The following MARS2 variants were observed in gnomAD, a reference collection of about 807,000 sequenced individuals.
MARS2 encodes the protein methionyl-tRNA synthetase 2, mitochondrial.
In MARS2, 33 loss-of-function variants were observed where a neutral mutation model predicts 43.8. That is an observed-to-expected ratio of 0.75 (90% CI 0.57 to 1.01). MARS2 has a LOEUF of 1.01. Ranked by LOEUF, MARS2 falls within the 50% of genes least tolerant of loss-of-function variation. MARS2 has a pLI of 0.00. For synonymous variants in MARS2, 351 were observed against 325.5 expected (o/e 1.08, Z -0.84); for missense variants, 720 against 763.0 (o/e 0.94, Z 0.66).
rs776719449 is a variant in MARS2 at position 197,706,830 on chromosome 2, C to T, written c.1425C>T (p.Ala475=). The T allele has an allele frequency of 1.3e-5, 21 of 1,614,006 alleles. No homozygotes were observed. The South Asian group carries it at 1.4e-4, about 11-fold the overall frequency. ...TTCGGATATATAAGGCTCTGGAGGC[C>T]GTGTCCAGCTGTGTCCGGCAAACTA... The part of the protein sequence containing the change: ...DNFRIYKALE[A]VSSCVRQTNG... Residue 475 remains alanine, a synonymous_variant, in exon 1 of 1, where the codon GCC becomes GCT. Coordinates refer to ENST00000282276, the MANE Select transcript of MARS2 (RefSeq NM_138395.4).
Position 197,707,239 on chromosome 2 carries a change from A to G in MARS2, c.*52A>G. 3 of 1,484,320 alleles carry G rather than the reference A, an allele frequency of 2.0e-6. No homozygotes were observed. Among genetic ancestry groups the G allele is most frequent in the Non-Finnish European group, 2.7e-6 (3 of 1,098,344 alleles). The allele number at this position is 1,484,320 out of a possible 1,614,324, so 91.9% of individuals were successfully genotyped here. ...AAAAAAGCAAATGTGTTATCTTTTTATTTTTTATTTTCAGGAAAGTTATAC... is the reference window on the plus strand; with the variant it reads ...AAAAAAGCAAATGTGTTATCTTTTTGTTTTTTATTTTCAGGAAAGTTATAC... On this transcript the variant is annotated 3_prime_UTR_variant, in exon 1 of 1. Transcript: ENST00000282276.
Position 197,706,276 on chromosome 2 carries a change from G to A in MARS2, c.871G>A (p.Gly291Ser). ...CCTGGTCAACTACCTCACTGTAATT[G>A]GCTACCCAAATGCTGAGTTCAAATC... Reference protein sequence around the residue: ...DALVNYLTVIGYPNAEFKSWW... With the variant: ...DALVNYLTVISYPNAEFKSWW... Residue 291 changes from glycine to serine, a missense_variant, in exon 1 of 1, where the codon GGC (glycine) becomes AGC (serine). By Grantham distance (56) the Gly-to-Ser change is moderately conservative (BLOSUM62 0). Transcript: ENST00000282276. 6.2e-7 allele frequency: 1 copy of A among 1,614,198 alleles called. No homozygotes were observed. The highest frequency in any genetic ancestry group is 1.1e-5 in the South Asian group (1 of 91,088).
rs1204486376 is a variant in MARS2 at position 197,705,376 on chromosome 2, C to T, written c.-30C>T. 6.4e-7 allele frequency: 1 copy of T among 1,551,520 alleles called. No homozygotes were observed. The highest frequency in any genetic ancestry group is 1.2e-5 in the South Asian group (1 of 83,924). ...CCTCTCACACGTGCTGTCAGAACGC[C>T]GCCTCCTCCGCTTGCGGCCGGTCTG... On this transcript the variant is annotated 5_prime_UTR_variant, in exon 1 of 1. Coordinates refer to ENST00000282276, the MANE Select transcript of MARS2 (RefSeq NM_138395.4).
Position 197,705,374 on chromosome 2 carries a change from G to T in MARS2, c.-32G>T. Reference sequence around the variant, plus strand: ...CGCCTCTCACACGTGCTGTCAGAACGCCGCCTCCTCCGCTTGCGGCCGGTC... The same window carrying T: ...CGCCTCTCACACGTGCTGTCAGAACTCCGCCTCCTCCGCTTGCGGCCGGTC... On this transcript the variant is annotated 5_prime_UTR_variant, in exon 1 of 1. Transcript: ENST00000282276. 1.3e-6 allele frequency: 2 copies of T among 1,546,774 alleles called. No individual in the cohort carries two copies. Among genetic ancestry groups the T allele is most frequent in the African/African-American group, 1.4e-5 (1 of 73,090 alleles).
At position 197,706,428 on chromosome 2, in the gene MARS2, G is replaced by A. The variant is rs2089475987; in HGVS notation, c.1023G>A (p.Trp341Ter). 1 of 1,613,926 alleles carries A rather than the reference G, an allele frequency of 6.2e-7. No individual in the cohort carries two copies. The highest frequency in any genetic ancestry group is 1.7e-5 in the Admixed American group (1 of 60,016). Residue 341 changes from tryptophan to a stop codon, truncating the protein, a stop_gained, in exon 1 of 1, where the codon TGG becomes TGA. Transcript: ENST00000282276. LOFTEE classifies it high-confidence loss of function. The part of the protein sequence containing the change: ...PPQRICVHSH[W>*]TVCGQKMSKS... ...AGCGCATCTGTGTCCATTCCCACTG[G>A]ACAGTCTGTGGCCAAAAGATGTCCA...
At position 197,705,699 on chromosome 2, in the gene MARS2, G is replaced by A; in HGVS notation, c.294G>A (p.Lys98=). ...FSTGTDEHGL[K]IQQAAATAGL... ...CTGGTACCGACGAGCACGGGCTGAA[G>A]ATTCAGCAGGCAGCAGCTACCGCGG... Residue 98 remains lysine, a synonymous_variant, in exon 1 of 1, where the codon AAG becomes AAA. Coordinates refer to ENST00000282276, the MANE Select transcript of MARS2 (RefSeq NM_138395.4). The A allele has an allele frequency of 6.2e-7, 1 of 1,611,172 alleles. No homozygotes were observed. The highest frequency in any genetic ancestry group is 8.5e-7 in the Non-Finnish European group (1 of 1,180,028).
Position 197,705,590 on chromosome 2 carries a change from A to G in MARS2, c.185A>G (p.His62Arg). ...FYVNAAPHIG[H>R]LYSALLADAL... The stretch of plus-strand genomic sequence containing the variant: ...GTGAACGCGGCGCCGCACATCGGGC[A>G]CCTGTACTCGGCACTACTGGCGGAC... The change falls in exon 1 of 1, where the codon CAC (histidine) becomes CGC (arginine). Residue 62 changes from histidine to arginine, a missense_variant. Physicochemically the swap from His to Arg is conservative, Grantham distance 29. Coordinates refer to ENST00000282276, the MANE Select transcript of MARS2 (RefSeq NM_138395.4). 6.2e-7 allele frequency: 1 copy of G among 1,613,050 alleles called. No homozygotes were observed. The highest frequency in any genetic ancestry group is 2.2e-5 in the East Asian group (1 of 44,862).
chr2:197,706,161 C>G lies in MARS2; in HGVS notation c.756C>G (p.Asp252Glu), dbSNP rs761435595. The stretch of plus-strand genomic sequence containing the variant: ...AGTGGCTGGACGAGGAGCTGCCCGA[C>G]CTGTCCGTGTCTCGCAGAAGTAGCC... Reference protein sequence around the residue: ...VLQWLDEELPDLSVSRRSSHL... With the variant: ...VLQWLDEELPELSVSRRSSHL... The change falls in exon 1 of 1, where the codon GAC (aspartate) becomes GAG (glutamate). Residue 252 changes from aspartate (D) to glutamate (E), a missense_variant. Asp to Glu is a conservative substitution (Grantham distance 45). Coordinates refer to ENST00000282276, the MANE Select transcript of MARS2 (RefSeq NM_138395.4). The G allele has an allele frequency of 6.2e-7, 1 of 1,614,168 alleles. No homozygotes were observed.
Position 197,705,405 on chromosome 2 carries a change from C to T in MARS2, c.-1C>T, listed in dbSNP as rs775947399. The T allele has an allele frequency of 6.2e-7, 1 of 1,607,292 alleles. No individual in the cohort carries two copies. The highest frequency in any genetic ancestry group is 8.5e-7 in the Non-Finnish European group (1 of 1,177,358). On this transcript the variant is annotated 5_prime_UTR_variant, in exon 1 of 1. Coordinates refer to ENST00000282276, the MANE Select transcript of MARS2 (RefSeq NM_138395.4). ...TCCTCCGCTTGCGGCCGGTCTGCAC[C>T]ATGCTGCGAACGTCCGTCCTCCGCC...
Position 197,705,482 on chromosome 2 carries a change from C to T in MARS2, c.77C>T (p.Pro26Leu). ...SRLSLLEDFG[P>L]RYYSSGSLSA... ...CTGTCTCTCCTGGAGGACTTCGGCC[C>T]ACGCTACTACAGTTCGGGCTCCCTC... is the stretch of plus-strand genomic sequence containing the variant. Residue 26 changes from proline to leucine, a missense_variant, in exon 1 of 1, where the codon CCA becomes CTA. Pro to Leu is a moderately conservative substitution (Grantham distance 98, BLOSUM62 -3). Coordinates refer to ENST00000282276, the MANE Select transcript of MARS2 (RefSeq NM_138395.4). 3.1e-6 allele frequency: 5 copies of T among 1,613,144 alleles called. No homozygotes were observed. The highest frequency in any genetic ancestry group is 3.4e-6 in the Non-Finnish European group (4 of 1,179,996).
Position 197,706,009 on chromosome 2 carries a change from C to G in MARS2, c.604C>G (p.Pro202Ala). 6.2e-7 allele frequency: 1 copy of G among 1,614,212 alleles called. No homozygotes were observed. Among genetic ancestry groups the G allele is most frequent in the Non-Finnish European group, 8.5e-7 (1 of 1,180,038 alleles). ...TCCTGTATCTCTCGAGAGCGGGCAT[C>G]CAGTCTCCTGGACCAAGGAAGAAAA... ...SFPVSLESGH[P>A]VSWTKEENYI... is the part of the protein sequence containing the mutation. Residue 202 changes from proline to alanine, a missense_variant, in exon 1 of 1, where the codon CCA becomes GCA. Transcript: ENST00000282276.
In MARS2 at chr2:197,705,710, C is replaced by T; in HGVS notation, c.305C>T (p.Ala102Val). The change falls in exon 1 of 1, where the codon GCA (alanine) becomes GTA (valine). Residue 102 changes from alanine to valine, a missense_variant. By Grantham distance (64) the Ala-to-Val change is moderately conservative (BLOSUM62 0). Transcript: ENST00000282276. ...GAGCACGGGCTGAAGATTCAGCAGG[C>T]AGCAGCTACCGCGGGCCTGGCCCCG... The part of the protein sequence containing the change: ...TDEHGLKIQQ[A>V]AATAGLAPTE... 4 of 1,611,226 alleles carry T rather than the reference C, an allele frequency of 2.5e-6. No homozygotes were observed. The highest frequency in any genetic ancestry group is 3.4e-6 in the Non-Finnish European group (4 of 1,180,030).
chr2:197,705,658 G>T lies in MARS2; in HGVS notation c.253G>T (p.Ala85Ser). 2 of 1,611,166 alleles carry T rather than the reference G, an allele frequency of 1.2e-6. No individual in the cohort carries two copies. The highest frequency in any genetic ancestry group is 1.3e-5 in the African/African-American group (1 of 75,020). ...TCGCCTCCGAGGTCCCAGCACGGCCGCCACGCGATTCTCCACTGGTACCGA... is the reference window on the plus strand; with the variant it reads ...TCGCCTCCGAGGTCCCAGCACGGCCTCCACGCGATTCTCCACTGGTACCGA... ...HRRLRGPSTA[A>S]TRFSTGTDEH... Residue 85 changes from alanine (A) to serine (S), a missense_variant, in exon 1 of 1, where the codon GCC (alanine) becomes TCC (serine). Physicochemically the swap from Ala to Ser is moderately conservative, Grantham distance 99. Transcript: ENST00000282276.
Position 197,705,529 on chromosome 2 carries a change from G to C in MARS2, c.124G>C (p.Asp42His). The C allele has an allele frequency of 6.2e-7, 1 of 1,613,244 alleles. No individual in the cohort carries two copies. Among genetic ancestry groups the C allele is most frequent in the Admixed American group, 1.7e-5 (1 of 60,036 alleles). ...CCTCAGTGCCGGCGATGATGCTTGTGATGTGCGCGCCTACTTCACTACACC... is the reference window on the plus strand; with the variant it reads ...CCTCAGTGCCGGCGATGATGCTTGTCATGTGCGCGCCTACTTCACTACACC... ...GSLSAGDDAC[D>H]VRAYFTTPIF... is the part of the protein sequence containing the mutation. Residue 42 changes from aspartate (D) to histidine (H), a missense_variant, in exon 1 of 1, where the codon GAT (aspartate) becomes CAT (histidine). By Grantham distance (81) the Asp-to-His change is moderately conservative (BLOSUM62 -1). Coordinates refer to ENST00000282276, the MANE Select transcript of MARS2 (RefSeq NM_138395.4).
Position 197,706,335 on chromosome 2 carries a change from G to A in MARS2, c.930G>A (p.Lys310=). 1 of 1,614,220 alleles carries A rather than the reference G, an allele frequency of 6.2e-7. No individual in the cohort carries two copies. The highest frequency in any genetic ancestry group is 1.1e-5 in the South Asian group (1 of 91,088). The change falls in exon 1 of 1, where the codon AAG becomes AAA. Residue 310 remains lysine, a synonymous_variant. Transcript: ENST00000282276. ...CGGCCACCTCTCATATCATAGGTAA[G>A]GACATTCTCAAATTCCATGCCATCT... is the stretch of plus-strand genomic sequence containing the variant. The part of the protein sequence containing the change: ...WWPATSHIIG[K]DILKFHAIYW...
rs1007870499 is a variant in MARS2, at chr2:197,707,392, T to C, written c.*205T>C. The stretch of plus-strand genomic sequence containing the variant: ...ACCATTGATCACTGTCCTTTGTGCA[T>C]TGTGTGTCTAAGATGTCTTCAGGGG... On this transcript the variant is annotated 3_prime_UTR_variant, in exon 1 of 1. Coordinates refer to ENST00000282276, the MANE Select transcript of MARS2 (RefSeq NM_138395.4). 1 of 572,724 alleles carries C rather than the reference T, an allele frequency of 1.7e-6. No homozygotes were observed. Among genetic ancestry groups the C allele is most frequent in the African/African-American group, 1.9e-5 (1 of 53,126 alleles). The allele number at this position is 572,724 out of a possible 1,614,324, so 35.5% of individuals were successfully genotyped here.
Position 197,706,088 on chromosome 2 carries a change from G to C in MARS2, c.683G>C (p.Gly228Ala). ...FRKPLQRWLR[G>A]NPQAITPEPF... The stretch of plus-strand genomic sequence containing the variant: ...AAGCCACTCCAGCGGTGGCTGCGGG[G>C]CAACCCTCAGGCGATCACCCCCGAA... Residue 228 changes from glycine (G) to alanine (A), a missense_variant, in exon 1 of 1, where the codon GGC (glycine) becomes GCC (alanine). Coordinates refer to ENST00000282276, the MANE Select transcript of MARS2 (RefSeq NM_138395.4). The C allele has an allele frequency of 6.2e-7, 1 of 1,614,148 alleles. No individual in the cohort carries two copies.
rs746936446 is a variant in MARS2 at position 197,706,986 on chromosome 2, C to T, written c.1581C>T (p.Val527=). 6.2e-7 allele frequency: 1 copy of T among 1,614,218 alleles called. No individual in the cohort carries two copies. ...LRVFGTLLQP[V]TPSLADKLLS... The stretch of plus-strand genomic sequence containing the variant: ...TCTTTGGGACTTTGCTGCAGCCTGT[C>T]ACCCCAAGCCTAGCTGACAAGCTGC... The change falls in exon 1 of 1, where the codon GTC becomes GTT. Residue 527 remains valine, a synonymous_variant. Transcript: ENST00000282276.
Position 197,705,836 on chromosome 2 carries a change from G to C in MARS2, c.431G>C (p.Arg144Pro). The C allele has an allele frequency of 6.2e-7, 1 of 1,613,832 alleles. No individual in the cohort carries two copies. The highest frequency in any genetic ancestry group is 8.5e-7 in the Non-Finnish European group (1 of 1,180,036). The change falls in exon 1 of 1, where the codon CGG (arginine) becomes CCG (proline). Residue 144 changes from arginine (R) to proline (P), a missense_variant. Coordinates refer to ENST00000282276, the MANE Select transcript of MARS2 (RefSeq NM_138395.4). The part of the protein sequence containing the change: ...DFIRTTEARH[R>P]VAVQHFWGVL... Reference sequence around the variant, plus strand: ...ATCCGCACCACGGAGGCCCGGCACCGGGTGGCTGTGCAGCACTTCTGGGGG... The same window carrying C: ...ATCCGCACCACGGAGGCCCGGCACCCGGTGGCTGTGCAGCACTTCTGGGGG...
Sources: allele counts gnomAD v4.1 joint callset, GRCh38; gene constraint gnomAD v4.1.1; transcripts MANE v1.5; gene names NCBI Gene and HGNC (gene_info 2026-07-23, HGNC 2026-07-21).